The following SEL1L3 variants were observed in gnomAD, a reference collection of about 807,000 sequenced individuals.
The protein encoded by SEL1L3 is SEL1L family member 3, also known as protein sel-1 homolog 3.
Under a neutral mutation model 142.8 loss-of-function variants are expected in SEL1L3, and 76 were observed. The observed-to-expected ratio is 0.53, with a 90% confidence interval of 0.44 to 0.64. The LOEUF (loss-of-function observed/expected upper bound fraction) is 0.64, where lower values mean the gene tolerates loss of function less well. Ranked by LOEUF, SEL1L3 falls within the 30% of genes least tolerant of loss-of-function variation. The pLI, the probability that SEL1L3 is intolerant of heterozygous loss-of-function variation, is 0.00. For synonymous variants in SEL1L3, 504 were observed against 519.6 expected, an observed-to-expected ratio of 0.97 and a Z score of 0.41; for missense variants, 1,262 against 1,381.7, an observed-to-expected ratio of 0.91 and a Z score of 1.37.
the SEL1L3 span, chr4:25,721,191 A>G: frequency 7.3e-5 from 11 of 150,664 alleles, no homozygotes; most frequent in Admixed American, 7.3e-4. Flanking sequence ...GAAGTAACTG[A>G]ACATAAGGAT....
the SEL1L3 span, among the ~76,000 whole-genome samples, chr4:25,726,064 C>T: frequency 6.6e-6 from 1 of 151,968 alleles, no homozygotes; most frequent in Non-Finnish European, 1.5e-5. Flanking sequence ...TTTACCTTGC[C>T]CCTATTCAAG....
At chr4:25,815,724 C>T (rs921827544) in intron 9 of SEL1L3, among the ~76,000 whole-genome samples, 5 of 151,914 alleles carry the variant, frequency 3.3e-5, no homozygotes, top group African/African-American at 4.8e-5. Context: ...AACCATCCAA[C>T]GGAAACCTGG....
At chr4:25,768,455 G>A (rs1718911214) in intron 17 of SEL1L3, among the ~76,000 whole-genome samples, 1 of 152,186 alleles carries the variant, frequency 6.6e-6, no homozygotes, top group Non-Finnish European at 1.5e-5. Flanking sequence ...AAAGCTTGGG[G>A]GAATGGACAT....
chr4:25,850,168 G>T lies in SEL1L3; in HGVS notation c.163-2304C>A, dbSNP rs942117292. On this transcript the variant is annotated intron_variant, in intron 1 of 23. Transcript: ENST00000399878. ...GTAGAGTTTGGCCCTGGAGAACATTGAGTCCCAGCCCAACGAATGTGAACT... is the reference window on the plus strand; with the variant it reads ...GTAGAGTTTGGCCCTGGAGAACATTTAGTCCCAGCCCAACGAATGTGAACT... Among the ~76,000 whole-genome samples the T allele has an allele frequency of 2.6e-5, 4 of 152,260 alleles. No homozygotes were observed. The East Asian group carries it at 7.7e-4, about 29-fold the overall frequency.
At chr4:25,858,580 G>T (rs902719481) in intron 1 of SEL1L3, among the ~76,000 whole-genome samples, 62 of 142,914 alleles carry the variant, frequency 4.3e-4, no homozygotes, top group Non-Finnish European at 6.8e-4. Flanking sequence ...TGATTTTTTT[G>T]TTTGTTTGTT....
intron 14 of SEL1L3, among the ~76,000 whole-genome samples, chr4:25,783,967 C>G (rs1198845668): frequency 6.6e-6 from 1 of 152,144 alleles, no homozygotes; most frequent in South Asian, 2.1e-4. Context: ...CAAACAAAAT[C>G]AACCCGAATG....
intron 23 of SEL1L3, chr4:25,755,808 G>A (rs1717919147): frequency 2.2e-6 from 2 of 914,266 alleles, no homozygotes; most frequent in Non-Finnish European, 2.6e-6. Flanking sequence ...TCCTCTAACG[G>A]AACTGCATTT....
rs767704711 is a variant in SEL1L3, at chr4:25,782,232, T to C, written c.2457+10A>G. 1 of 1,611,930 alleles carries C rather than the reference T, an allele frequency of 6.2e-7. No homozygotes were observed. On this transcript the variant is annotated intron_variant, in intron 15 of 23. Transcript: ENST00000399878. ...GACTAGTTGCAGAGTGGGTCTCAAG[T>C]CCTACTCACTTGATTCCTTCCAGGA...
chr4:25,717,265 C>T, the SEL1L3 span, among the ~76,000 whole-genome samples: 1 of 152,172 alleles, frequency 6.6e-6, no homozygotes, highest in South Asian at 2.1e-4. Flanking sequence ...GGAGGATGAA[C>T]CTTTTCCTGG....
intron 9 of SEL1L3, among the ~76,000 whole-genome samples, chr4:25,811,343 T>C (rs1714007465): frequency 6.6e-6 from 1 of 152,208 alleles, no homozygotes; most frequent in Admixed American, 6.5e-5. Flanking sequence ...CTGGTAGACC[T>C]GAGAAACAGA....
At chr4:25,714,490 CTTTCTTTCTT>C in the SEL1L3 span, among the ~76,000 whole-genome samples, 8,038 of 78,646 alleles carry the variant, frequency 0.1, 326 homozygotes, top group African/African-American at 0.24. Flanking sequence ...CTTTCTTTCT[CTTTCTTTCTT>C]TTTCTTTCTT....
chr4:25,809,303 G>A (rs1193276435), intron 9 of SEL1L3, among the ~76,000 whole-genome samples: 1 of 123,452 alleles, frequency 8.1e-6, no homozygotes, highest in Non-Finnish European at 1.6e-5. Flanking sequence ...CACCGTGCTT[G>A]GCTAATTTTT....
downstream of SEL1L3, among the ~76,000 whole-genome samples, chr4:25,745,394 CAAA>C (rs111275488): frequency 8.7e-6 from 1 of 115,588 alleles, no homozygotes. Flanking sequence ...GACTCAGTCT[CAAA>C]AAAAAAAAAA....
At chr4:25,803,787 T>G (rs1272848863) in intron 10 of SEL1L3, among the ~76,000 whole-genome samples, 1 of 151,986 alleles carries the variant, frequency 6.6e-6, no homozygotes, top group Non-Finnish European at 1.5e-5. Flanking sequence ...ATATGTTTTT[T>G]TTTTTGTTGT....
intron 13 of SEL1L3, among the ~76,000 whole-genome samples, chr4:25,787,324 T>G (rs1711917106): frequency 6.6e-6 from 1 of 152,106 alleles, no homozygotes; most frequent in Admixed American, 6.5e-5. Context: ...GAACTATTAC[T>G]AATTTTTTTT....
rs1402862214 is a variant in SEL1L3 at position 25,767,820 on chromosome 4, A to G, written c.2680T>C (p.Leu894=). The G allele has an allele frequency of 6.4e-7, 1 of 1,557,164 alleles. No individual in the cohort carries two copies. The highest frequency in any genetic ancestry group is 1.9e-5 in the Admixed American group (1 of 52,784). The change falls in exon 18 of 24, where the codon TTG becomes CTG. Residue 894 remains leucine (L), a synonymous_variant. Transcript: ENST00000399878. ...TCTGCTGCTAAAACATAATACAGCA[A>G]AGCTTCATGCCTAAAAATAGATGAT... ...AYLEGSWHEA[L]LYYVLAAETG... is the part of the protein sequence containing the mutation.
At chr4:25,729,023 T>C in the SEL1L3 span, among the ~76,000 whole-genome samples, 1 of 150,218 alleles carries the variant, frequency 6.7e-6, no homozygotes, top group East Asian at 1.9e-4. Flanking sequence ...CCTTCCTCAC[T>C]GTCACCAGAC....
Position 25,748,343 on chromosome 4 carries a change from A to G in SEL1L3, c.*82T>C. On this transcript the variant is annotated 3_prime_UTR_variant, in exon 24 of 24. Transcript: ENST00000399878. ...TGACAAGACATTTAAGGTGTTTATC[A>G]GGATCATGCCCTGGCCCCAGCTTCC... The G allele has an allele frequency of 7.2e-7, 1 of 1,389,386 alleles. No homozygotes were observed. The highest frequency in any genetic ancestry group is 9.7e-7 in the Non-Finnish European group (1 of 1,026,146). 86.1% of individuals were successfully genotyped at this position (1,389,386 alleles called of 1,614,324 possible). A position where few individuals can be genotyped will look rare whatever the true frequency, so the allele number is the denominator to read the frequency against.
intron 6 of SEL1L3, among the ~76,000 whole-genome samples, chr4:25,825,664 CTATTTTT>C (rs1435371430): frequency 5.3e-4 from 57 of 108,240 alleles, no homozygotes; most frequent in African/African-American, 1.9e-3. Flanking sequence ...GGTCTAAATT[CTATTTTT>C]TTTTTTTTTT....
Sources: allele counts gnomAD v4.1 joint callset (sites outside exome capture counted in the v4.1 genomes callset), GRCh38; gene constraint gnomAD v4.1.1; transcripts MANE v1.5; gene names NCBI Gene and HGNC (gene_info 2026-07-23, HGNC 2026-07-21).